The following COL27A1 variants were observed in gnomAD, a reference collection of about 807,000 sequenced individuals.
COL27A1 encodes the protein collagen alpha-1(XXVII) chain.
Under a neutral mutation model 251.3 loss-of-function variants are expected in COL27A1, and 106 were observed. That is an observed-to-expected ratio of 0.42 (90% CI 0.36 to 0.50). The LOEUF (loss-of-function observed/expected upper bound fraction) is 0.50. Ranked by LOEUF, COL27A1 falls within the 20% of genes least tolerant of loss-of-function variation. COL27A1 has a pLI of 0.00. For missense variants in COL27A1, 2,325 were observed against 2,522.8 expected (o/e 0.92, Z 1.68); for synonymous variants, 1,000 against 986.3 (o/e 1.01, Z -0.26).
intron 56 of COL27A1, among the ~76,000 whole-genome samples, chr9:114,303,301 C>T (rs190909958): frequency 1.8e-4 from 26 of 148,490 alleles, no homozygotes; most frequent in Admixed American, 1.6e-3. Flanking sequence ...TGCAGTGGCA[C>T]GATCTCATCT....
intron 27 of COL27A1, among the ~76,000 whole-genome samples, chr9:114,255,862 A>T (rs1318469509): frequency 6.6e-6 from 1 of 152,068 alleles, no homozygotes; most frequent in African/African-American, 2.4e-5. Flanking sequence ...TGGCTCCCCG[A>T]CTTGCCGGCT....
intron 28 of COL27A1, 32 bp from the exon 29 acceptor site, chr9:114,264,323 T>C (rs1472123784): frequency 5.8e-6 from 9 of 1,544,670 alleles, no homozygotes; most frequent in African/African-American, 5.5e-5. Context: ...ACCCCTGCTG[T>C]CCGGTGTGCT....
At chr9:114,242,388 C>T (rs1212653393) in intron 22 of COL27A1, among the ~76,000 whole-genome samples, 157 bp downstream of exon 22, 1 of 152,236 alleles carries the variant, frequency 6.6e-6, no homozygotes, top group East Asian at 1.9e-4. Context: ...AGGAGAGAGA[C>T]AAGAGCCAAG....
rs924028363 is a variant in COL27A1 at position 114,265,590 on chromosome 9, G to T, written c.3393+115G>T. 1.1e-5 allele frequency: 11 copies of T among 1,016,700 alleles called. No individual in the cohort carries two copies. In the Admixed American group the frequency reaches 1.5e-4, roughly 14 times the overall value. The allele number at this position is 1,016,700 out of a possible 1,614,324, so 63.0% of individuals were successfully genotyped here. On this transcript the variant is annotated intron_variant, in intron 32 of 60. Coordinates refer to ENST00000356083, the MANE Select transcript of COL27A1 (RefSeq NM_032888.4). ...AGGGACCATGCCTGGCCTCTAACCC[G>T]CTGTGGGCCAGGCCTTGGGGTTGGT...
Position 114,310,843 on chromosome 9 carries a change from A to C in COL27A1, c.*148A>C. 1 of 734,892 alleles carries C rather than the reference A, an allele frequency of 1.4e-6. No individual in the cohort carries two copies. The highest frequency in any genetic ancestry group is 2.2e-6 in the Non-Finnish European group (1 of 457,846). 45.5% of individuals were successfully genotyped at this position (734,892 alleles called of 1,614,324 possible). ...ACCCCAGCTGTTGTCTGCCCAGTAG[A>C]AGTGGGTGGGGGTAGGAGGGGATAG... On this transcript the variant is annotated 3_prime_UTR_variant, in exon 61 of 61. Coordinates refer to ENST00000356083, the MANE Select transcript of COL27A1 (RefSeq NM_032888.4).
rs140175927 is a variant in COL27A1 at position 114,264,950 on chromosome 9, G to A, written c.3276G>A (p.Pro1092=). 7.6e-5 allele frequency: 122 copies of A among 1,613,194 alleles called. No individual in the cohort carries two copies. The East Asian group carries it at 8.5e-4, about 11-fold the overall frequency. ...GCCCTCCAGGACCCCAGGGCAGACC[G>A]GGCCGGCCTGGACAGCAGGTATGTC... ...LKGPPGPQGR[P]GRPGQQGVAG... Residue 1092 remains proline, a synonymous_variant, in exon 30 of 61, where the codon CCG becomes CCA. Coordinates refer to ENST00000356083, the MANE Select transcript of COL27A1 (RefSeq NM_032888.4).
At chr9:114,175,052 GAGGCTCTTCC>G (rs919919494) in intron 3 of COL27A1, among the ~76,000 whole-genome samples, 4 of 152,282 alleles carry the variant, frequency 2.6e-5, no homozygotes, top group African/African-American at 4.8e-5. Context: ...TTGGCAGGCA[GAGGCTCTTCC>G]AGCTGGACAC....
chr9:114,270,850 T>C (rs1383012602), intron 36 of COL27A1, 69 bp downstream of exon 36: 1 of 1,171,902 alleles, frequency 8.5e-7, no homozygotes, highest in Non-Finnish European at 1.3e-6. Flanking sequence ...AAGACCTAAG[T>C]CTCCTCCCAG....
In COL27A1 at chr9:114,194,463, T is replaced by C. The variant is rs1039136868; in HGVS notation, c.2070+6T>C. 12 of 1,611,460 alleles carry C rather than the reference T, an allele frequency of 7.4e-6. No individual in the cohort carries two copies. The highest frequency in any genetic ancestry group is 1.3e-5 in the African/African-American group (1 of 74,904). On this transcript the variant is annotated splice_donor_region_variant and intron_variant, in intron 6 of 60. Coordinates refer to ENST00000356083, the MANE Select transcript of COL27A1 (RefSeq NM_032888.4). Reference sequence around the variant, plus strand: ...AGGCCCACGATGGGGCAAAGGTAGGTTTCCAGGGACCCCAGTTCTCAGGGA... The same window carrying C: ...AGGCCCACGATGGGGCAAAGGTAGGCTTCCAGGGACCCCAGTTCTCAGGGA...
chr9:114,166,368 A>AGTCCATCCATCC (rs1554786336), intron 2 of COL27A1, among the ~76,000 whole-genome samples: 13 of 37,080 alleles, frequency 3.5e-4, no homozygotes, highest in Non-Finnish European at 1.1e-3. Flanking sequence ...TCCATCCATC[A>AGTCCATCCATCC]ATCCATCCAT....
intron 23 of COL27A1, 121 bp downstream of exon 23, chr9:114,243,681 GT>G: frequency 1.3e-6 from 1 of 745,628 alleles, no homozygotes; most frequent in Admixed American, 2.8e-5. Context: ...ATTGGTTCCT[GT>G]TTAGAACAAA....
intron 39 of COL27A1, 26 bp downstream of exon 39, chr9:114,282,590 G>A (rs1588866400): frequency 7.1e-7 from 1 of 1,418,384 alleles, no homozygotes; most frequent in East Asian, 2.5e-5. Context: ...CTGGGGTGGG[G>A]GAGTCAGATG....
At chr9:114,219,596 A>G (rs1456610869) in intron 12 of COL27A1, among the ~76,000 whole-genome samples, 195 bp from the exon 13 acceptor site, 2 of 152,134 alleles carry the variant, frequency 1.3e-5, no homozygotes, top group African/African-American at 4.8e-5. Flanking sequence ...AAATAAAAGG[A>G]TCCCTGAGAA....
chr9:114,162,947 A>G (rs962169129), intron 2 of COL27A1, among the ~76,000 whole-genome samples, 162 bp downstream of exon 2: 1 of 152,014 alleles, frequency 6.6e-6, no homozygotes, highest in Admixed American at 6.5e-5. Flanking sequence ...TTAGGCTTGA[A>G]AGAATGACAT....
At chr9:114,269,630 A>AG (rs1834989930) in intron 35 of COL27A1, among the ~76,000 whole-genome samples, 2 of 149,218 alleles carry the variant, frequency 1.3e-5, no homozygotes, top group Non-Finnish European at 3.0e-5. Context: ...AAAAAAAAAA[A>AG]AAAAAAGAAG....
chr9:114,214,590 G>A (rs1830592384), intron 12 of COL27A1, among the ~76,000 whole-genome samples: 1 of 152,210 alleles, frequency 6.6e-6, no homozygotes. Context: ...AGCAGACATA[G>A]CCCAGGGAGG....
At chr9:114,226,972 G>A (rs1184231272) in intron 14 of COL27A1, among the ~76,000 whole-genome samples, 2 of 152,216 alleles carry the variant, frequency 1.3e-5, no homozygotes, top group South Asian at 2.1e-4. Flanking sequence ...TGGTCTTGGG[G>A]TCAGGGAAGT....
At chr9:114,269,203 C>A (rs373986254) in intron 34 of COL27A1, 38 bp from the exon 35 acceptor site, 45 of 1,532,310 alleles carry the variant, frequency 2.9e-5, no homozygotes, top group Non-Finnish European at 3.7e-5. Context: ...GGGGCTGGCC[C>A]TACCCACCCG....
intron 20 of COL27A1, 33 bp downstream of exon 20, chr9:114,240,306 G>T: frequency 6.3e-7 from 1 of 1,584,440 alleles, no homozygotes; most frequent in Non-Finnish European, 8.6e-7. Context: ...TCCAGTTGGA[G>T]GAGCAGACAG....
Sources: allele counts gnomAD v4.1 joint callset (sites outside exome capture counted in the v4.1 genomes callset), GRCh38; gene constraint gnomAD v4.1.1; transcripts MANE v1.5; gene names NCBI Gene and HGNC (gene_info 2026-07-23, HGNC 2026-07-21).